Variants in RNASEH2B observed in about 807,000 individuals in gnomAD.
RNASEH2B encodes ribonuclease H2 subunit B.
RNASEH2B carries 36 observed loss-of-function variants against 45.0 expected under a neutral mutation model. That is an observed-to-expected ratio of 0.80 (90% CI 0.61 to 1.06). RNASEH2B has a LOEUF of 1.06. Among genes scored for constraint, RNASEH2B ranks in the 50% least tolerant of loss-of-function variants. The pLI, the probability that RNASEH2B is intolerant of heterozygous loss-of-function variation, is 0.00. For missense variants in RNASEH2B, 361 were observed against 360.3 expected, an observed-to-expected ratio of 1.00 and a Z score of -0.02; for synonymous variants, 119 against 125.7, an observed-to-expected ratio of 0.95 and a Z score of 0.35.
At chr13:50,943,217 TA>T in intron 5 of RNASEH2B, 103 bp from the exon 6 acceptor site, 1 of 753,924 alleles carries the variant, frequency 1.3e-6, no homozygotes, top group Non-Finnish European at 2.3e-6. Context: ...TTCAAGAATT[TA>T]AACTTACAAA....
At chr13:50,932,834 ATTAAT>A (rs1389257831) in intron 4 of RNASEH2B, among the ~76,000 whole-genome samples, 5 of 152,270 alleles carry the variant, frequency 3.3e-5, no homozygotes, top group South Asian at 4.1e-4. Context: ...TGGTAGGTAA[ATTAAT>A]TTAAGTTGCT....
At chr13:50,967,463 G>A (rs1027233452) in intron 9 of RNASEH2B, among the ~76,000 whole-genome samples, 1 of 152,214 alleles carries the variant, frequency 6.6e-6, no homozygotes, top group African/African-American at 2.4e-5. Flanking sequence ...ATGAATTTAT[G>A]TGTTTAATCT....
intron 4 of RNASEH2B, among the ~76,000 whole-genome samples, chr13:50,931,148 T>G (rs952544635): frequency 3.3e-5 from 5 of 152,194 alleles, no homozygotes; most frequent in African/African-American, 9.6e-5. Flanking sequence ...AGTGAGAGAC[T>G]GTGGAATAGG....
At chr13:50,967,405 A>C (rs368307626) in intron 9 of RNASEH2B, among the ~76,000 whole-genome samples, 40 of 152,368 alleles carry the variant, frequency 2.6e-4, no homozygotes, top group African/African-American at 9.1e-4. Context: ...TTGGAAAGTA[A>C]TAACAAAGAC....
chr13:50,966,465 C>T (rs1952165571), intron 9 of RNASEH2B, among the ~76,000 whole-genome samples: 1 of 152,190 alleles, frequency 6.6e-6, no homozygotes, highest in African/African-American at 2.4e-5. Context: ...AACTGCAAAA[C>T]CACTTGGGTA....
At chr13:50,911,874 T>G (rs1350253061) in intron 1 of RNASEH2B, 1 of 152,260 alleles carries the variant, frequency 6.6e-6, no homozygotes, top group Non-Finnish European at 1.5e-5. Context: ...TAATTTGAGC[T>G]TCTTATTTTG....
Position 50,930,718 on chromosome 13 carries a change from C to T in RNASEH2B, c.280C>T (p.Leu94=). Residue 94 remains leucine, a synonymous_variant, in exon 4 of 11, where the codon CTA becomes TTA. Transcript: ENST00000336617. ...LLHFATPVDP[L]FLLLHYLIKA... ...CCATTTTGCCACACCTGTGGATCCTCTATTTCTGCTTCTCCACTACCTCAT... is the reference window on the plus strand; with the variant it reads ...CCATTTTGCCACACCTGTGGATCCTTTATTTCTGCTTCTCCACTACCTCAT... 6.2e-7 allele frequency: 1 copy of T among 1,613,976 alleles called. No homozygotes were observed. Among genetic ancestry groups the T allele is most frequent in the Non-Finnish European group, 8.5e-7 (1 of 1,179,822 alleles).
rs1400318766 is a variant in RNASEH2B at position 50,956,548 on chromosome 13, ACT to A, written c.*75_*76del. On this transcript the variant is annotated 3_prime_UTR_variant, in exon 11 of 11. Transcript: ENST00000336617. Reference sequence around the variant, plus strand: ...AGTTTGTCCTTCCTGACTGTTAATGACTACCTTTGGTTGGGGGAAGGAAGAGG... The same window carrying A: ...AGTTTGTCCTTCCTGACTGTTAATGAACCTTTGGTTGGGGGAAGGAAGAGG... 1.2e-5 allele frequency: 18 copies of A among 1,543,674 alleles called. No homozygotes were observed. Among genetic ancestry groups the A allele is most frequent in the Non-Finnish European group, 1.6e-5 (18 of 1,141,332 alleles).
At chr13:50,948,226 G>GGCATAACGAAT in intron 8 of RNASEH2B, 158 bp downstream of exon 8, 1 of 1,196,198 alleles carries the variant, frequency 8.4e-7, no homozygotes. Context: ...ATTTTTAATG[G>GGCATAACGAAT]ATGATTGGAA....
intron 9 of RNASEH2B, among the ~76,000 whole-genome samples, chr13:50,966,514 A>AT (rs111644384): frequency 0.016 from 2,382 of 147,882 alleles, 63 homozygotes; most frequent in African/African-American, 0.055. Flanking sequence ...CAAGCCATAT[A>AT]TTTTTTTTTT....
rs1951651077 is a variant in RNASEH2B at position 50,929,577 on chromosome 13, A to G, written c.239A>G (p.Gln80Arg). The change falls in exon 3 of 11, where the codon CAA becomes CGA. Residue 80 changes from glutamine to arginine, a missense_variant. Gln to Arg is a conservative substitution (Grantham distance 43). Coordinates refer to ENST00000336617, the MANE Select transcript of RNASEH2B (RefSeq NM_024570.4). Reference protein sequence around the residue: ...HHSWFINQSVQSGGLLHFATP... With the variant: ...HHSWFINQSVRSGGLLHFATP... ...TCTTGGTTTATAAATCAATCAGTTC[A>G]ATCAGGTAGGTGACTAGTGTAAGCA... is the stretch of plus-strand genomic sequence containing the variant. 6.3e-7 allele frequency: 1 copy of G among 1,586,992 alleles called. No homozygotes were observed. The highest frequency in any genetic ancestry group is 1.7e-4 in the Middle Eastern group (1 of 6,008).
At chr13:50,947,953 T>C (rs1951925571) in intron 7 of RNASEH2B, 34 bp from the exon 8 acceptor site, 1 of 1,605,606 alleles carries the variant, frequency 6.2e-7, no homozygotes, top group African/African-American at 1.3e-5. Context: ...CTATTTTTTT[T>C]TTTTGCTTTC....
chr13:50,928,427 G>A (rs1289123246), intron 2 of RNASEH2B: 1 of 152,178 alleles, frequency 6.6e-6, no homozygotes, highest in East Asian at 1.9e-4. Context: ...TTATATATCA[G>A]ACTAAGTTGA....
chr13:50,943,825 C>T (rs908675895), intron 6 of RNASEH2B, among the ~76,000 whole-genome samples: 1 of 152,174 alleles, frequency 6.6e-6, no homozygotes, highest in Non-Finnish European at 1.5e-5. Flanking sequence ...GTATGTCCTG[C>T]TCTCAGGGTC....
Position 50,964,148 on chromosome 13 carries a change from G to A in RNASEH2B, c.742-5784G>A, listed in dbSNP as rs138725411. ...CAGGAGGTGGAGGTTGCAGTGAGCC[G>A]AGATCACACCACTGCACTCCAGTCT... On this transcript the variant is annotated intron_variant, in intron 9 of 9. Transcript: ENST00000422660. 4.8e-3 allele frequency among the ~76,000 whole-genome samples: 724 copies of A among 151,598 alleles called. 9 individuals carry two copies. Among genetic ancestry groups the A allele is most frequent in the African/African-American group, 0.016 (654 of 41,298 alleles).
chr13:50,928,409 A>C (rs921598003), intron 2 of RNASEH2B: 1 of 152,234 alleles, frequency 6.6e-6, no homozygotes, highest in African/African-American at 2.4e-5. Context: ...TATATTTAGA[A>C]ATCTTAGTTA....
At chr13:50,912,249 G>C (rs572224511) in intron 1 of RNASEH2B, 1 of 152,356 alleles carries the variant, frequency 6.6e-6, no homozygotes, top group African/African-American at 2.4e-5. Context: ...GTTTGACAGC[G>C]ACTGCAGTGC....
intron 5 of RNASEH2B, chr13:50,936,311 G>A (rs1951750985): frequency 6.6e-6 from 1 of 152,192 alleles, no homozygotes; most frequent in South Asian, 2.1e-4. Context: ...AGAGCATCAG[G>A]CTGATAAGTT....
In RNASEH2B at chr13:50,914,600, C is replaced by A. The variant is rs78470758; in HGVS notation, c.64+4460C>A. Among the ~76,000 whole-genome samples, 6 of 152,190 alleles carry A rather than the reference C, an allele frequency of 3.9e-5. No homozygotes were observed. In the East Asian group the frequency reaches 9.6e-4, roughly 24 times the overall value. Reference sequence around the variant, plus strand: ...TGTTTTTCGGTGGGACCCGACTGACCTTTCTCAGATGGCCACTGGATCTGC... The same window carrying A: ...TGTTTTTCGGTGGGACCCGACTGACATTTCTCAGATGGCCACTGGATCTGC... On this transcript the variant is annotated intron_variant, in intron 1 of 10. Transcript: ENST00000336617.
Sources: gnomAD v4.1 joint callset for allele counts (sites outside exome capture counted in the v4.1 genomes callset) on GRCh38, gnomAD v4.1.1 for gene constraint, MANE v1.5 for transcripts, NCBI Gene and HGNC (gene_info 2026-07-23, HGNC 2026-07-21) for gene names.